The following HSDL2 variants were observed in gnomAD, a reference collection of about 807,000 sequenced individuals.
HSDL2 encodes hydroxysteroid dehydrogenase like 2.
A neutral mutation model predicts 46.3 loss-of-function variants in HSDL2; 27 were observed. That is an observed-to-expected ratio of 0.58 (90% CI 0.43 to 0.80). The LOEUF (loss-of-function observed/expected upper bound fraction) is 0.80. Ranked by LOEUF, HSDL2 falls within the 30% of genes least tolerant of loss-of-function variation. The pLI is 0.00. For missense variants in HSDL2, 451 were observed against 502.7 expected, an observed-to-expected ratio of 0.90 and a Z score of 0.98; for synonymous variants, 153 against 163.6, an observed-to-expected ratio of 0.94 and a Z score of 0.50.
At chr9:112,396,705 G>A (rs903493173) in intron 1 of HSDL2, among the ~76,000 whole-genome samples, 5 of 152,136 alleles carry the variant, frequency 3.3e-5, no homozygotes, top group African/African-American at 7.2e-5. Flanking sequence ...CCAGAACCTT[G>A]AGGTAAAGGC....
intron 7 of HSDL2, among the ~76,000 whole-genome samples, chr9:112,439,636 C>T (rs981871979): frequency 2.6e-5 from 4 of 152,094 alleles, no homozygotes; most frequent in South Asian, 2.1e-4. Flanking sequence ...TGACACAAAC[C>T]ACGTTTATAT....
chr9:112,444,057 C>A (rs1010890521), intron 8 of HSDL2, among the ~76,000 whole-genome samples: 3 of 152,244 alleles, frequency 2.0e-5, no homozygotes, highest in Non-Finnish European at 4.4e-5. Flanking sequence ...TGGCTAACTT[C>A]CCTCACCTAA....
At chr9:112,441,597 C>A in intron 7 of HSDL2, 102 bp from the exon 8 acceptor site, 2 of 721,040 alleles carry the variant, frequency 2.8e-6, no homozygotes, top group Middle Eastern at 3.0e-4. Context: ...TTCTTTTGCA[C>A]CAGAAAGATT....
chr9:112,448,238 C>T (rs1216778273), intron 8 of HSDL2, among the ~76,000 whole-genome samples: 11 of 152,162 alleles, frequency 7.2e-5, no homozygotes, highest in Non-Finnish European at 1.6e-4. Flanking sequence ...ATAATAATGT[C>T]TTTCAAGGAT....
chr9:112,418,792 T>A (rs1832054633), intron 5 of HSDL2, 68 bp from the exon 6 acceptor site: 6 of 848,230 alleles, frequency 7.1e-6, no homozygotes, highest in Non-Finnish European at 1.1e-5. Flanking sequence ...AATTGGTTAT[T>A]TCTACTCACA....
intron 6 of HSDL2, among the ~76,000 whole-genome samples, chr9:112,431,675 G>A (rs1832406895): frequency 6.6e-6 from 1 of 152,030 alleles, no homozygotes; most frequent in South Asian, 2.1e-4. Flanking sequence ...TTTTAAAAGT[G>A]TGTAGCACAC....
chr9:112,386,125 G>C (rs1250885274), intron 1 of HSDL2, among the ~76,000 whole-genome samples: 1 of 151,980 alleles, frequency 6.6e-6, no homozygotes, highest in Non-Finnish European at 1.5e-5. Context: ...TCACTATGTT[G>C]CCCAGGCTGG....
At chr9:112,404,934 A>T (rs1831691105) in intron 2 of HSDL2, among the ~76,000 whole-genome samples, 1 of 152,262 alleles carries the variant, frequency 6.6e-6, no homozygotes, top group Non-Finnish European at 1.5e-5. Flanking sequence ...GGGACAGGAA[A>T]GATAAACATA....
chr9:112,438,337 A>G (rs1832571568), intron 6 of HSDL2, 94 bp from the exon 7 acceptor site: 2 of 825,116 alleles, frequency 2.4e-6, no homozygotes. Context: ...ATTAGCCTTG[A>G]TAATTGTGAA....
At chr9:112,398,716 C>T (rs763955284) in intron 1 of HSDL2, among the ~76,000 whole-genome samples, 20 of 151,380 alleles carry the variant, frequency 1.3e-4, no homozygotes, top group South Asian at 4.2e-4. Context: ...CAAACAGTGA[C>T]GGGAGCATAA....
At chr9:112,427,523 C>T (rs1280984257) in intron 6 of HSDL2, among the ~76,000 whole-genome samples, 1 of 152,214 alleles carries the variant, frequency 6.6e-6, no homozygotes, top group Admixed American at 6.5e-5. Flanking sequence ...CAAATTCCCT[C>T]AAGTGTCTCA....
intron 6 of HSDL2, chr9:112,433,677 G>A (rs1365607005): frequency 3.9e-5 from 6 of 152,194 alleles, no homozygotes; most frequent in South Asian, 2.1e-4. Flanking sequence ...ATGGATTTGA[G>A]AGGGTGTTCA....
At chr9:112,465,428 C>T (rs759353358) in intron 10 of HSDL2, among the ~76,000 whole-genome samples, 2 of 152,160 alleles carry the variant, frequency 1.3e-5, no homozygotes, top group African/African-American at 4.8e-5. Flanking sequence ...CAGGCCCGGC[C>T]GCAATTACTC....
Position 112,470,571 on chromosome 9 carries a change from G to T in HSDL2, c.*27G>T. ...GGAAAATATAAAAAAAAAGTCGACT[G>T]CTATGCTCAAAAAGTAAAAAAAGCT... is the stretch of plus-strand genomic sequence containing the variant. On this transcript the variant is annotated 3_prime_UTR_variant, in exon 11 of 11. Coordinates refer to ENST00000398805, the MANE Select transcript of HSDL2 (RefSeq NM_032303.5). The T allele has an allele frequency of 7.8e-7, 1 of 1,287,390 alleles. No homozygotes were observed. Among genetic ancestry groups the T allele is most frequent in the Non-Finnish European group, 1.1e-6 (1 of 909,150 alleles). The allele number at this position is 1,287,390 out of a possible 1,614,324, so 79.7% of individuals were successfully genotyped here. A position where few individuals can be genotyped will look rare whatever the true frequency, so the allele number is the denominator to read the frequency against.
At chr9:112,389,378 A>G (rs1319422670) in intron 1 of HSDL2, among the ~76,000 whole-genome samples, 1 of 152,156 alleles carries the variant, frequency 6.6e-6, no homozygotes, top group Non-Finnish European at 1.5e-5. Flanking sequence ...AGAAAGGGAG[A>G]AGGAGAGAAA....
chr9:112,472,328 G>T lies in HSDL2; in HGVS notation c.*1784G>T, dbSNP rs927850928. ...AAATGCAGACCATTCTATCATACCT[G>T]GCGGGGCTTCTGTTTTATTTTGTAG... On this transcript the variant is annotated 3_prime_UTR_variant, in exon 11 of 11. Coordinates refer to ENST00000398805, the MANE Select transcript of HSDL2 (RefSeq NM_032303.5). The T allele has an allele frequency of 2.0e-5, 3 of 152,162 alleles. No individual in the cohort carries two copies. The highest frequency in any genetic ancestry group is 4.4e-5 in the Non-Finnish European group (3 of 68,052). 9.4% of individuals were successfully genotyped at this position (152,162 alleles called of 1,614,324 possible). A position where few individuals can be genotyped will look rare whatever the true frequency, so the allele number is the denominator to read the frequency against.
intron 1 of HSDL2, among the ~76,000 whole-genome samples, chr9:112,395,936 G>C (rs1482532992): frequency 1.3e-5 from 2 of 152,186 alleles, no homozygotes; most frequent in African/African-American, 4.8e-5. Flanking sequence ...TTCCCTCGTA[G>C]AGGAACAGGA....
intron 1 of HSDL2, among the ~76,000 whole-genome samples, chr9:112,401,356 G>A (rs552699321): frequency 6.7e-6 from 1 of 150,260 alleles, no homozygotes; most frequent in African/African-American, 2.5e-5. Context: ...TACTTGAGTG[G>A]TGAGGCAGAA....
At chr9:112,436,101 C>A (rs1247904713) in intron 6 of HSDL2, among the ~76,000 whole-genome samples, 2 of 150,990 alleles carry the variant, frequency 1.3e-5, no homozygotes, top group East Asian at 1.9e-4. Context: ...ATAGCAGGAC[C>A]CCATTTCTAC....
Sources: gnomAD v4.1 joint callset for allele counts (sites outside exome capture counted in the v4.1 genomes callset) on GRCh38, gnomAD v4.1.1 for gene constraint, MANE v1.5 for transcripts, NCBI Gene and HGNC (gene_info 2026-07-23, HGNC 2026-07-21) for gene names.